Variants in LYPLAL1 observed in about 807,000 individuals in gnomAD.
The protein encoded by LYPLAL1 is lysophospholipase like 1.
Under a neutral mutation model 19.7 loss-of-function variants are expected in LYPLAL1, and 23 were observed. That is an observed-to-expected ratio of 1.17 (90% CI 0.84 to 1.65). The LOEUF (loss-of-function observed/expected upper bound fraction) is 1.65, where lower values mean the gene tolerates loss of function less well. Ranked by LOEUF, LYPLAL1 falls within the 40% of genes most tolerant of loss-of-function variation. The pLI is 0.00. For missense variants in LYPLAL1, 355 were observed against 279.4 expected, an observed-to-expected ratio of 1.27 and a Z score of -1.93; for synonymous variants, 119 against 96.3, an observed-to-expected ratio of 1.24 and a Z score of -1.38.
At chr1:219,325,847 G>A in the LYPLAL1 span, among the ~76,000 whole-genome samples, 1 of 152,188 alleles carries the variant, frequency 6.6e-6, no homozygotes, top group Admixed American at 6.6e-5. Context: ...AGAAGTTTGG[G>A]ATTATAGAAT....
the LYPLAL1 span, among the ~76,000 whole-genome samples, chr1:219,263,223 A>G: frequency 2.6e-5 from 4 of 152,084 alleles, no homozygotes; most frequent in African/African-American, 9.7e-5. Context: ...TTATGTTTCA[A>G]GGGGGATTAT....
chr1:219,383,403 T>C, the LYPLAL1 span, among the ~76,000 whole-genome samples: 39 of 152,374 alleles, frequency 2.6e-4, no homozygotes, highest in Non-Finnish European at 2.4e-4. Flanking sequence ...TATGACACTT[T>C]AACTAATTGG....
At chr1:219,213,704 A>G (rs1420671213), downstream of LYPLAL1, among the ~76,000 whole-genome samples, 17 of 152,138 alleles carry the variant, frequency 1.1e-4, no homozygotes, top group African/African-American at 2.4e-5. Flanking sequence ...TTCAGTTTCC[A>G]AGTGCCCTTT....
At chr1:219,350,771 AT>A in the LYPLAL1 span, among the ~76,000 whole-genome samples, 2 of 152,168 alleles carry the variant, frequency 1.3e-5, no homozygotes, top group Non-Finnish European at 2.9e-5. Context: ...ATGACATATG[AT>A]TTTTATTGAG....
the LYPLAL1 span, among the ~76,000 whole-genome samples, chr1:219,288,555 C>G: frequency 1.7e-4 from 26 of 152,284 alleles, no homozygotes; most frequent in South Asian, 5.2e-3. Flanking sequence ...TGAAAACACT[C>G]TGTATAATGC....
the LYPLAL1 span, among the ~76,000 whole-genome samples, chr1:219,329,125 T>A: frequency 6.6e-6 from 1 of 152,092 alleles, no homozygotes; most frequent in Admixed American, 6.6e-5. Context: ...GTCTTAATTA[T>A]TTGATCTGAC....
At chr1:219,422,482 G>A in the LYPLAL1 span, among the ~76,000 whole-genome samples, 5 of 152,036 alleles carry the variant, frequency 3.3e-5, no homozygotes, top group Admixed American at 6.5e-5. Flanking sequence ...GATTATGGCA[G>A]GACAAAGGGT....
At chr1:219,439,964 T>TATATATATATATATATACAC in the LYPLAL1 span, among the ~76,000 whole-genome samples, 5 of 132,232 alleles carry the variant, frequency 3.8e-5, no homozygotes, top group African/African-American at 1.3e-4. Flanking sequence ...ACTGACTATA[T>TATATATATATATATATACAC]ATATATATAC....
the LYPLAL1 span, among the ~76,000 whole-genome samples, chr1:219,352,717 G>A: frequency 1.3e-5 from 2 of 152,152 alleles, no homozygotes; most frequent in South Asian, 4.1e-4. Flanking sequence ...TGAACAATAA[G>A]CCTAGAGACA....
chr1:219,255,045 C>T, the LYPLAL1 span, among the ~76,000 whole-genome samples: 15 of 151,672 alleles, frequency 9.9e-5, no homozygotes, highest in Admixed American at 2.0e-4. Context: ...TTCCTCAGCT[C>T]GGTTTATTCT....
chr1:219,372,200 G>A, the LYPLAL1 span, among the ~76,000 whole-genome samples: 1 of 152,174 alleles, frequency 6.6e-6, no homozygotes, highest in Non-Finnish European at 1.5e-5. Context: ...AATTCAGGTA[G>A]GCAATCCAGC....
chr1:219,330,095 A>G, the LYPLAL1 span, among the ~76,000 whole-genome samples: 1 of 152,194 alleles, frequency 6.6e-6, no homozygotes, highest in African/African-American at 2.4e-5. Context: ...GATATCCTTC[A>G]GTCATGTGAG....
chr1:219,406,144 C>T, the LYPLAL1 span, among the ~76,000 whole-genome samples: 3 of 152,114 alleles, frequency 2.0e-5, no homozygotes, highest in Admixed American at 6.6e-5. Context: ...GGCAGAAGTC[C>T]GCCTTTTAAA....
At chr1:219,261,976 A>G in the LYPLAL1 span, among the ~76,000 whole-genome samples, 1 of 152,178 alleles carries the variant, frequency 6.6e-6, no homozygotes, top group African/African-American at 2.4e-5. Flanking sequence ...TTTCTCAAGA[A>G]CACTAATTAT....
chr1:219,201,624 A>G (rs1213578156), intron 3 of LYPLAL1, among the ~76,000 whole-genome samples: 1 of 152,036 alleles, frequency 6.6e-6, no homozygotes, highest in African/African-American at 2.4e-5. Context: ...ATTTTTTGTG[A>G]GATGAGCTAA....
chr1:219,241,098 A>ATCTC, the LYPLAL1 span, among the ~76,000 whole-genome samples: 2,979 of 58,024 alleles, frequency 0.051, 193 homozygotes, highest in East Asian at 0.13. Context: ...AATATATATA[A>ATCTC]TCTCTCTCTC....
chr1:219,261,682 G>A, the LYPLAL1 span, among the ~76,000 whole-genome samples: 1 of 152,194 alleles, frequency 6.6e-6, no homozygotes, highest in African/African-American at 2.4e-5. Flanking sequence ...TGAGGAGACT[G>A]AAGATAGATC....
chr1:219,272,087 G>T, the LYPLAL1 span: 15 of 152,384 alleles, frequency 9.8e-5, 1 homozygote, highest in East Asian at 1.7e-3. Context: ...TCCTGGAAAC[G>T]AGATAGTCAT....
the LYPLAL1 span, among the ~76,000 whole-genome samples, chr1:219,327,459 G>A: frequency 6.6e-5 from 10 of 152,206 alleles, no homozygotes; most frequent in African/African-American, 2.4e-4. Flanking sequence ...AGATGGGGGA[G>A]CAGCTCAGAA....
Sources: gnomAD v4.1 joint callset for allele counts (sites outside exome capture counted in the v4.1 genomes callset) on GRCh38, gnomAD v4.1.1 for gene constraint, MANE v1.5 for transcripts, NCBI Gene and HGNC (gene_info 2026-07-23, HGNC 2026-07-21) for gene names.